Variants in SCLT1 observed in about 807,000 individuals in gnomAD.
SCLT1 encodes sodium channel-associated protein 1.
Under a neutral mutation model 112.8 loss-of-function variants are expected in SCLT1, and 78 were observed. That is an observed-to-expected ratio of 0.69 (90% confidence interval 0.58 to 0.83). SCLT1 has a LOEUF of 0.83. Among genes scored for constraint, SCLT1 ranks in the 40% least tolerant of loss-of-function variants. The probability of loss-of-function intolerance (pLI) is 0.00; values close to 1 mark genes in which losing one functional copy is unlikely to be tolerated. For synonymous variants in SCLT1, 257 were observed against 254.7 expected (o/e 1.01, Z -0.09); for missense variants, 747 against 770.4 (o/e 0.97, Z 0.36).
chr4:129,018,633 T>A (rs1330817588), intron 5 of SCLT1, among the ~76,000 whole-genome samples: 1 of 152,184 alleles, frequency 6.6e-6, no homozygotes, highest in Non-Finnish European at 1.5e-5. Flanking sequence ...AGTTTATGCA[T>A]GAAAGATAAC....
chr4:129,053,444 C>A (rs1361676139), intron 2 of SCLT1, among the ~76,000 whole-genome samples: 3 of 151,530 alleles, frequency 2.0e-5, no homozygotes, highest in Non-Finnish European at 4.4e-5. Flanking sequence ...TTAGGATAGT[C>A]AGCACTTCTT....
At chr4:129,068,881 A>AG (rs1344457575) in intron 2 of SCLT1, among the ~76,000 whole-genome samples, 1 of 152,102 alleles carries the variant, frequency 6.6e-6, no homozygotes, top group African/African-American at 2.4e-5. Context: ...TTCCAATGTT[A>AG]TCTTCTAGTA....
At chr4:129,014,822 G>C (rs1214436187) in intron 5 of SCLT1, among the ~76,000 whole-genome samples, 1 of 152,240 alleles carries the variant, frequency 6.6e-6, no homozygotes, top group Non-Finnish European at 1.5e-5. Context: ...AGCTGTGGCA[G>C]AGTGCTAGTG....
downstream of SCLT1, among the ~76,000 whole-genome samples, chr4:128,879,099 C>T (rs1267355889): frequency 1.3e-5 from 2 of 151,186 alleles, no homozygotes; most frequent in Non-Finnish European, 2.9e-5. Context: ...GCACATTGTG[C>T]ACATGTACCC....
intron 2 of SCLT1, among the ~76,000 whole-genome samples, chr4:129,049,776 GGTTT>G (rs1197766557): frequency 1.3e-5 from 2 of 151,766 alleles, no homozygotes; most frequent in Non-Finnish European, 2.9e-5. Context: ...AGAACGTTCA[GGTTT>G]GTTACATAGG....
chr4:128,886,152 C>T lies in SCLT1; in HGVS notation c.2005-1613G>A, dbSNP rs150924027. 3.9e-4 allele frequency among the ~76,000 whole-genome samples: 60 copies of T among 152,188 alleles called. 1 individual carries two copies. Among genetic ancestry groups the T allele is most frequent in the African/African-American group, 1.3e-3 (55 of 41,538 alleles). The stretch of plus-strand genomic sequence containing the variant: ...TGTGTTCTTGCATTGAAAGGCTTCA[C>T]CACGCTGATTTAAAAAACTCATATG... On this transcript the variant is annotated intron_variant, in intron 20 of 20. Coordinates refer to ENST00000281142, the MANE Select transcript of SCLT1 (RefSeq NM_144643.4).
chr4:128,947,351 GA>G (rs1407737037), intron 15 of SCLT1, among the ~76,000 whole-genome samples: 1 of 152,082 alleles, frequency 6.6e-6, no homozygotes, highest in African/African-American at 2.4e-5. Context: ...ACTCAGAAGG[GA>G]CCCACCTTGC....
chr4:128,918,871 G>C (rs998673814), intron 18 of SCLT1, among the ~76,000 whole-genome samples: 7 of 152,146 alleles, frequency 4.6e-5, no homozygotes, highest in Non-Finnish European at 1.0e-4. Context: ...TCAACAAGAA[G>C]ACCTAACTAT....
intron 18 of SCLT1, among the ~76,000 whole-genome samples, chr4:128,895,998 C>T (rs1246977903): frequency 6.6e-6 from 1 of 152,188 alleles, no homozygotes; most frequent in Non-Finnish European, 1.5e-5. Context: ...GGAGGGGCAC[C>T]CGCCATTGCC....
intron 18 of SCLT1, among the ~76,000 whole-genome samples, chr4:128,898,723 A>G (rs1348540231): frequency 6.6e-6 from 1 of 152,208 alleles, no homozygotes; most frequent in Non-Finnish European, 1.5e-5. Flanking sequence ...CAAAAAATCA[A>G]TGAATCCGGG....
intron 3 of SCLT1, among the ~76,000 whole-genome samples, chr4:128,877,370 C>CCTCT (rs1327397485): frequency 1.3e-5 from 2 of 151,974 alleles, no homozygotes; most frequent in Admixed American, 1.3e-4. Context: ...GGCTGTACTG[C>CCTCT]CTCTCAGAAT....
At chr4:128,919,693 T>G (rs1370395857) in intron 18 of SCLT1, among the ~76,000 whole-genome samples, 1 of 150,668 alleles carries the variant, frequency 6.6e-6, no homozygotes, top group African/African-American at 2.4e-5. Context: ...TCCAAATAAA[T>G]AATCATAATG....
intron 4 of SCLT1, among the ~76,000 whole-genome samples, chr4:129,043,156 C>G (rs1406148580): frequency 6.6e-6 from 1 of 151,894 alleles, no homozygotes; most frequent in Non-Finnish European, 1.5e-5. Flanking sequence ...AAATGATCTT[C>G]CTGTCTCAGC....
intron 11 of SCLT1, among the ~76,000 whole-genome samples, chr4:128,961,865 A>G (rs977391579): frequency 1.1e-4 from 16 of 152,246 alleles, no homozygotes; most frequent in Non-Finnish European, 2.4e-4. Flanking sequence ...ACACATTCTC[A>G]GAGAAGACTG....
rs754803117 is a variant in SCLT1 at position 128,999,782 on chromosome 4, C to A, written c.439G>T (p.Ala147Ser). 1.8e-5 allele frequency: 28 copies of A among 1,597,986 alleles called. No homozygotes were observed. The East Asian group carries it at 6.3e-4, about 36-fold the overall frequency. The change falls in exon 7 of 21, where the codon GCT becomes TCT. Residue 147 changes from alanine to serine, a missense_variant. This residue lies in a region of SCLT1 where 723 missense variants were observed against 721.3 expected (regional missense o/e 1.00). Transcript: ENST00000281142. Reference protein sequence around the residue: ...LQLANQEKTQAVELWQTVSQE... With the variant: ...LQLANQEKTQSVELWQTVSQE... ...GAAACAGTCTGCCAGAGTTCCACAG[C>A]CTGAGTTTTTTCCTATTAAAAAAGT...
chr4:129,039,041 C>T lies in SCLT1; in HGVS notation c.290G>A (p.Arg97Lys). Residue 97 changes from arginine (R) to lysine (K), a missense_variant and splice_region_variant, in exon 5 of 21, where the codon AGG becomes AAG. Physicochemically the swap from Arg to Lys is conservative, Grantham distance 26. Transcript: ENST00000281142. ...QLENVIKENE[R>K]LHSELKDAVE... ...TAAAACCAATAGTTAATTGATTTAC[C>T]TTTCATTTTCCTTGATGACATTTTC... The T allele has an allele frequency of 6.5e-7, 1 of 1,530,560 alleles. No individual in the cohort carries two copies. The highest frequency in any genetic ancestry group is 9.0e-7 in the Non-Finnish European group (1 of 1,105,234). 94.8% of individuals were successfully genotyped at this position (1,530,560 alleles called of 1,614,324 possible). A position where few individuals can be genotyped will look rare whatever the true frequency, so the allele number is the denominator to read the frequency against.
At chr4:129,077,718 A>T (rs1751584261) in intron 2 of SCLT1, among the ~76,000 whole-genome samples, 1 of 152,026 alleles carries the variant, frequency 6.6e-6, no homozygotes, top group Non-Finnish European at 1.5e-5. Context: ...ATGAGCTAGC[A>T]CTCCTGGATC....
intron 18 of SCLT1, among the ~76,000 whole-genome samples, chr4:128,917,543 T>A (rs318548): frequency 0.73 from 110,522 of 151,948 alleles, 40,512 homozygotes; most frequent in African/African-American, 0.82. Flanking sequence ...TATGGGACAA[T>A]AATTATTGGA....
At chr4:128,876,113 A>G (rs17013884) in intron 4 of SCLT1, among the ~76,000 whole-genome samples, 2,217 of 152,280 alleles carry the variant, frequency 0.015, 54 homozygotes, top group African/African-American at 0.05. Context: ...GGGAACAGCA[A>G]AACTGGTGTG....
Sources: gnomAD v4.1 joint callset for allele counts (sites outside exome capture counted in the v4.1 genomes callset) on GRCh38, gnomAD v4.1.1 for gene constraint, gnomAD v4.1.1 regional missense constraint, MANE v1.5 for transcripts, NCBI Gene and HGNC (gene_info 2026-07-23, HGNC 2026-07-21) for gene names.